The following ADGRB3 variants were observed in gnomAD, a reference collection of about 807,000 sequenced individuals.
The protein encoded by ADGRB3 is adhesion G protein-coupled receptor B3.
A neutral mutation model predicts 193.4 loss-of-function variants in ADGRB3; 37 were observed. That is an observed-to-expected ratio of 0.19 (90% CI 0.15 to 0.25). The LOEUF (loss-of-function observed/expected upper bound fraction) is 0.25, where lower values mean the gene tolerates loss of function less well. Among genes scored for constraint, ADGRB3 ranks in the 10% least tolerant of loss-of-function variants. ADGRB3 has a pLI of 1.00. For synonymous variants in ADGRB3, 690 were observed against 644.2 expected, an observed-to-expected ratio of 1.07 and a Z score of -1.08; for missense variants, 1,637 against 1,852.9, an observed-to-expected ratio of 0.88 and a Z score of 2.14.
intron 3 of ADGRB3, among the ~76,000 whole-genome samples, chr6:68,891,913 G>T (rs1766088434): frequency 1.3e-5 from 2 of 152,152 alleles, no homozygotes; most frequent in South Asian, 4.1e-4. Flanking sequence ...GAAGAGTGGA[G>T]ACCAAGAAGA....
At chr6:68,897,662 GAAAGAAAGAAGGGAA>G (rs1391409662) in intron 3 of ADGRB3, among the ~76,000 whole-genome samples, 118 of 129,596 alleles carry the variant, frequency 9.1e-4, no homozygotes, top group South Asian at 1.4e-3. Flanking sequence ...AGGAACGAAG[GAAAGAAAGAAGGGAA>G]AAAGAAAGAG....
intron 20 of ADGRB3, among the ~76,000 whole-genome samples, chr6:69,245,510 G>A (rs1582574176): frequency 6.6e-6 from 1 of 151,978 alleles, no homozygotes. Context: ...CTTAAAAATG[G>A]CCCATGCTGA....
intron 3 of ADGRB3, among the ~76,000 whole-genome samples, chr6:68,918,266 T>C (rs948595408): frequency 6.6e-6 from 1 of 152,152 alleles, no homozygotes; most frequent in Non-Finnish European, 1.5e-5. Flanking sequence ...GAATAGGGAA[T>C]AATTTGACAT....
chr6:69,117,495 T>C (rs1185864266), intron 17 of ADGRB3, among the ~76,000 whole-genome samples: 1 of 152,186 alleles, frequency 6.6e-6, no homozygotes, highest in Non-Finnish European at 1.5e-5. Context: ...TCTAATACAT[T>C]CTAAATCACT....
At chr6:69,378,732 T>C (rs1197145736) in intron 30 of ADGRB3, among the ~76,000 whole-genome samples, 1 of 152,012 alleles carries the variant, frequency 6.6e-6, no homozygotes, top group Non-Finnish European at 1.5e-5. Context: ...AATATACATT[T>C]CTCTAGATCC....
chr6:69,320,821 G>GTGTC (rs1443034181), intron 20 of ADGRB3, among the ~76,000 whole-genome samples: 1 of 131,988 alleles, frequency 7.6e-6, no homozygotes, highest in African/African-American at 3.2e-5. Context: ...TTGTGCATGT[G>GTGTC]TGTATGTGTG....
chr6:69,306,067 G>A (rs1253342042), intron 20 of ADGRB3, among the ~76,000 whole-genome samples: 1 of 151,432 alleles, frequency 6.6e-6, no homozygotes, highest in African/African-American at 2.4e-5. Flanking sequence ...TTTTATATAA[G>A]GGAGTTGAGC....
intron 3 of ADGRB3, among the ~76,000 whole-genome samples, chr6:68,677,521 C>CTTTTTTTTTTTTTTTTTTCTTTTTTTT (rs1002070733): frequency 8.3e-6 from 1 of 120,336 alleles, no homozygotes; most frequent in African/African-American, 3.1e-5. Flanking sequence ...TTCTTTTTTT[C>CTTTTTTTTTTTTTTTTTTCTTTTTTTT]TTTTTTTTTT....
At chr6:69,231,135 A>G (rs1766125699) in intron 17 of ADGRB3, among the ~76,000 whole-genome samples, 1 of 152,210 alleles carries the variant, frequency 6.6e-6, no homozygotes, top group East Asian at 1.9e-4. Context: ...AAAGTAAAGT[A>G]AATGGACTCA....
At chr6:68,877,097 T>G (rs929843881) in intron 3 of ADGRB3, among the ~76,000 whole-genome samples, 1 of 152,106 alleles carries the variant, frequency 6.6e-6, no homozygotes, top group Non-Finnish European at 1.5e-5. Flanking sequence ...GACTTTTTTC[T>G]TTTAAGTCCT....
At chr6:69,078,538 C>T (rs1562149708) in intron 17 of ADGRB3, among the ~76,000 whole-genome samples, 1 of 151,966 alleles carries the variant, frequency 6.6e-6, no homozygotes, top group African/African-American at 2.4e-5. Context: ...TTTTACACTA[C>T]CTATATTTCA....
chr6:68,859,549 T>A (rs1022646055), intron 3 of ADGRB3, among the ~76,000 whole-genome samples: 6 of 152,194 alleles, frequency 3.9e-5, no homozygotes, highest in Admixed American at 3.3e-4. Context: ...GGCCTCACAA[T>A]TATGGCTAAA....
chr6:69,320,414 A>G (rs952466216), intron 20 of ADGRB3, among the ~76,000 whole-genome samples: 3 of 151,500 alleles, frequency 2.0e-5, no homozygotes, highest in East Asian at 1.9e-4. Context: ...TTAGACATGG[A>G]GACTTACCAC....
chr6:68,827,042 A>G (rs879566109), intron 3 of ADGRB3, among the ~76,000 whole-genome samples: 1 of 152,224 alleles, frequency 6.6e-6, no homozygotes. Context: ...ATTTTATTTT[A>G]AGAGTTGACA....
intron 8 of ADGRB3, among the ~76,000 whole-genome samples, chr6:68,965,356 C>A (rs1293921989): frequency 6.6e-6 from 1 of 152,128 alleles, no homozygotes; most frequent in Non-Finnish European, 1.5e-5. Flanking sequence ...TTTTCCTCTG[C>A]ATCCTCCAGC....
chr6:68,898,538 T>G (rs1293589326), intron 3 of ADGRB3, among the ~76,000 whole-genome samples: 1 of 152,078 alleles, frequency 6.6e-6, no homozygotes, highest in East Asian at 1.9e-4. Context: ...AGTATTTGCT[T>G]TGAGAGAAAA....
chr6:68,856,173 T>C (rs1764981907), intron 3 of ADGRB3, among the ~76,000 whole-genome samples: 1 of 152,194 alleles, frequency 6.6e-6, no homozygotes, highest in Non-Finnish European at 1.5e-5. Flanking sequence ...ATTAACCCTC[T>C]TTCTTTTGTA....
intron 3 of ADGRB3, among the ~76,000 whole-genome samples, chr6:68,731,303 T>C (rs1562008670): frequency 1.3e-5 from 2 of 151,532 alleles, no homozygotes; most frequent in Admixed American, 6.6e-5. Flanking sequence ...ACATTTTTTT[T>C]CCAAAAAGTA....
intron 17 of ADGRB3, among the ~76,000 whole-genome samples, chr6:69,128,277 T>G (rs1394700387): frequency 6.6e-6 from 1 of 152,128 alleles, no homozygotes; most frequent in African/African-American, 2.4e-5. Context: ...TTTCTGTGTC[T>G]TTGCCACATC....
Sources: gnomAD v4.1 joint callset for allele counts (sites outside exome capture counted in the v4.1 genomes callset) on GRCh38, gnomAD v4.1.1 for gene constraint, MANE v1.5 for transcripts, NCBI Gene and HGNC (gene_info 2026-07-23, HGNC 2026-07-21) for gene names.